Variants in RBFOX1 observed in about 807,000 individuals in gnomAD.
RBFOX1 encodes the protein RNA binding protein fox-1 homolog 1.
In RBFOX1, 8 loss-of-function variants were observed where a neutral mutation model predicts 57.7. The ratio of observed to expected loss-of-function variants is 0.14; its 90% confidence interval spans 0.08 to 0.25. The LOEUF is 0.25. Ranked by LOEUF, RBFOX1 falls within the 10% of genes least tolerant of loss-of-function variation. The pLI is 1.00. For missense variants in RBFOX1, 611 were observed against 548.5 expected, an observed-to-expected ratio of 1.11 and a Z score of -1.14; for synonymous variants, 326 against 222.4, an observed-to-expected ratio of 1.47 and a Z score of -4.15.
chr16:5,750,976 C>T (rs1311758652), intron 3 of RBFOX1, among the ~76,000 whole-genome samples: 1 of 152,188 alleles, frequency 6.6e-6, no homozygotes. Context: ...TAGACTGGAG[C>T]TGTTCCTATT....
Position 6,265,642 on chromosome 16 carries a change from C to T in RBFOX1, c.-126-51353C>T, listed in dbSNP as rs1395194375. Among the ~76,000 whole-genome samples, 4 of 152,254 alleles carry T rather than the reference C, an allele frequency of 2.6e-5. No homozygotes were observed. The East Asian group carries it at 7.7e-4, about 29-fold the overall frequency. Reference sequence around the variant, plus strand: ...CTTCTTAAATTAGTGTTTCTCAAGCCCTTCTTGTGCAGGATATGTGCGTCA... The same window carrying T: ...CTTCTTAAATTAGTGTTTCTCAAGCTCTTCTTGTGCAGGATATGTGCGTCA... On this transcript the variant is annotated intron_variant, in intron 1 of 15. Transcript: ENST00000550418.
intron 3 of RBFOX1, among the ~76,000 whole-genome samples, chr16:7,014,060 G>A (rs533483196): frequency 6.6e-6 from 1 of 152,172 alleles, no homozygotes; most frequent in Non-Finnish European, 1.5e-5. Flanking sequence ...TATTCACTCA[G>A]TATATTAAAA....
chr16:5,368,809 C>T (rs1469112291), intron 1 of RBFOX1, among the ~76,000 whole-genome samples: 1 of 152,096 alleles, frequency 6.6e-6, no homozygotes, highest in Non-Finnish European at 1.5e-5. Context: ...CTGGGGTCTC[C>T]TTGTTTATTC....
intron 2 of RBFOX1, among the ~76,000 whole-genome samples, chr16:6,606,576 C>G (rs753819007): frequency 6.6e-6 from 1 of 152,072 alleles, no homozygotes; most frequent in Non-Finnish European, 1.5e-5. Context: ...TCCATGTGTT[C>G]TCATTGTTCA....
intron 4 of RBFOX1, among the ~76,000 whole-genome samples, chr16:7,132,715 G>A (rs761081702): frequency 7.2e-5 from 11 of 151,924 alleles, no homozygotes; most frequent in Non-Finnish European, 1.2e-4. Flanking sequence ...TATGCTAAGC[G>A]AAATCAACCA....
chr16:6,394,123 GC>G (rs2092721322), intron 2 of RBFOX1, among the ~76,000 whole-genome samples: 1 of 152,194 alleles, frequency 6.6e-6, no homozygotes, highest in African/African-American at 2.4e-5. Flanking sequence ...AGTGTTCCAA[GC>G]TTTGTGTTTC....
intron 2 of RBFOX1, among the ~76,000 whole-genome samples, chr16:6,421,038 T>C (rs1159971908): frequency 6.6e-6 from 1 of 152,210 alleles, no homozygotes; most frequent in African/African-American, 2.4e-5. Context: ...CAATGGCTAA[T>C]TGCTAGGCAA....
chr16:6,494,733 G>A (rs943240844), intron 2 of RBFOX1, among the ~76,000 whole-genome samples: 8 of 152,176 alleles, frequency 5.3e-5, no homozygotes, highest in African/African-American at 1.9e-4. Flanking sequence ...TGCATATTAT[G>A]GAACACATCA....
chr16:5,402,345 C>G (rs1381651006), intron 1 of RBFOX1, among the ~76,000 whole-genome samples: 2 of 152,158 alleles, frequency 1.3e-5, no homozygotes, highest in Non-Finnish European at 2.9e-5. Context: ...TGCTGGGGGT[C>G]CATGCACGCA....
chr16:6,756,948 C>G (rs1036587854), intron 3 of RBFOX1, among the ~76,000 whole-genome samples: 1 of 152,002 alleles, frequency 6.6e-6, no homozygotes, highest in African/African-American at 2.4e-5. Flanking sequence ...GCACTCCAGC[C>G]TGGGCACCAA....
intron 4 of RBFOX1, among the ~76,000 whole-genome samples, chr16:7,399,517 G>T (rs1597448566): frequency 6.6e-6 from 1 of 152,166 alleles, no homozygotes; most frequent in Admixed American, 6.5e-5. Flanking sequence ...TCCTTATGGA[G>T]ACTTTGGATA....
At chr16:7,163,178 G>C (rs368381199) in intron 4 of RBFOX1, among the ~76,000 whole-genome samples, 2 of 152,064 alleles carry the variant, frequency 1.3e-5, no homozygotes, top group South Asian at 2.1e-4. Flanking sequence ...GGCCAACTGA[G>C]ATTTGAAAAG....
intron 4 of RBFOX1, among the ~76,000 whole-genome samples, chr16:7,193,848 C>T (rs79698459): frequency 0.034 from 5,111 of 152,130 alleles, 104 homozygotes; most frequent in Non-Finnish European, 0.042. Context: ...TCAGACATGT[C>T]ACAAGAATGA....
At chr16:7,237,546 T>G (rs148610437) in intron 4 of RBFOX1, among the ~76,000 whole-genome samples, 1 of 152,352 alleles carries the variant, frequency 6.6e-6, no homozygotes, top group East Asian at 1.9e-4. Context: ...GCAAAGTGCT[T>G]AGACTCTAGA....
At chr16:7,334,995 G>A (rs767353715) in intron 4 of RBFOX1, among the ~76,000 whole-genome samples, 4 of 152,196 alleles carry the variant, frequency 2.6e-5, no homozygotes, top group Non-Finnish European at 4.4e-5. Flanking sequence ...TCTCACTGCT[G>A]TGGAATGCAC....
At position 5,611,437 on chromosome 16, in the gene RBFOX1, A is replaced by G. The variant is rs1416060469; in HGVS notation, c.318+12476A>G. 5 of 152,198 alleles carry G rather than the reference A, an allele frequency of 3.3e-5. No individual in the cohort carries two copies. The East Asian group carries it at 5.8e-4, about 18-fold the overall frequency. 9.4% of individuals were successfully genotyped at this position (152,198 alleles called of 1,614,324 possible). A position where few individuals can be genotyped will look rare whatever the true frequency, so the allele number is the denominator to read the frequency against. On this transcript the variant is annotated intron_variant, in intron 3 of 19. Coordinates refer to the RBFOX1 transcript ENST00000641259. ...GAGCACAGAAAGCCTAACAGAACGAATGAATGACTTGGTGGACCTGCCTCC... is the reference window on the plus strand; with the variant it reads ...GAGCACAGAAAGCCTAACAGAACGAGTGAATGACTTGGTGGACCTGCCTCC...
chr16:6,705,417 C>G (rs1325141551), intron 3 of RBFOX1: 2 of 152,164 alleles, frequency 1.3e-5, no homozygotes, highest in African/African-American at 4.8e-5. Context: ...GAAATACCTA[C>G]AGACATACAT....
At chr16:6,016,380 G>T (rs953335172), upstream of RBFOX1, among the ~76,000 whole-genome samples, 2 of 152,140 alleles carry the variant, frequency 1.3e-5, no homozygotes, top group African/African-American at 4.8e-5. Flanking sequence ...CCTGGTTGGA[G>T]GAACAACATA....
At chr16:5,638,738 C>G (rs1048524164) in intron 3 of RBFOX1, among the ~76,000 whole-genome samples, 5 of 152,164 alleles carry the variant, frequency 3.3e-5, no homozygotes, top group African/African-American at 1.2e-4. Flanking sequence ...CTCTCTACAT[C>G]ATAGAGCTTG....
Sources: gnomAD v4.1 joint callset for allele counts (sites outside exome capture counted in the v4.1 genomes callset) on GRCh38, gnomAD v4.1.1 for gene constraint, MANE v1.5 for transcripts, NCBI Gene and HGNC (gene_info 2026-07-23, HGNC 2026-07-21) for gene names.